Variants in CNTN4 observed in about 807,000 individuals in gnomAD.
CNTN4 encodes contactin 4.
In CNTN4, 77 loss-of-function variants were observed where a neutral mutation model predicts 122.5. That is an observed-to-expected ratio of 0.63 (90% CI 0.52 to 0.76). The LOEUF is 0.76. CNTN4 is among the 30% of genes least tolerant of loss of function. The pLI, the probability that CNTN4 is intolerant of heterozygous loss-of-function variation, is 0.00. For synonymous variants in CNTN4, 512 were observed against 447.0 expected (o/e 1.15, Z -1.83); for missense variants, 1,256 against 1,259.1 (o/e 1.00, Z 0.04).
rs564954523 is a variant in CNTN4, at chr3:2,682,757, G to GTATCA, written c.56-53446_56-53442dup. ...TCCTAATTACTGAAAATTGCACCCT[G>GTATCA]TATCATATCATATCATGAGTCCATT... On this transcript the variant is annotated intron_variant, in intron 4 of 24. Transcript: ENST00000418658. Among the ~76,000 whole-genome samples, 67 of 152,218 alleles carry GTATCA rather than the reference G, an allele frequency of 4.4e-4. 3 individuals carry two copies. The South Asian group carries it at 0.013, about 29-fold the overall frequency.
Position 2,902,985 on chromosome 3 carries a change from A to G in CNTN4, c.1187A>G (p.Asn396Ser). The G allele has an allele frequency of 6.2e-7, 1 of 1,613,878 alleles. No homozygotes were observed. Among genetic ancestry groups the G allele is most frequent in the Non-Finnish European group, 8.5e-7 (1 of 1,179,886 alleles). ...AATAAACATGGAGTTATCTTTTCCA[A>G]CGCAGAGCTTAGTGTTATAGGTGAG... Reference protein sequence around the residue: ...AENKHGVIFSNAELSVIAVGP... With the variant: ...AENKHGVIFSSAELSVIAVGP... The change falls in exon 12 of 25, where the codon AAC becomes AGC. Residue 396 changes from asparagine to serine, a missense_variant. Coordinates refer to ENST00000418658, the MANE Select transcript of CNTN4 (RefSeq NM_175607.3).
intron 13 of CNTN4, among the ~76,000 whole-genome samples, chr3:2,940,855 G>A (rs2094609072): frequency 6.6e-6 from 1 of 152,150 alleles, no homozygotes; most frequent in South Asian, 2.1e-4. Flanking sequence ...GAGCAAAAGG[G>A]AGGCCTGGAC....
chr3:2,580,081 A>T (rs1559263346), intron 4 of CNTN4, among the ~76,000 whole-genome samples: 1 of 152,102 alleles, frequency 6.6e-6, no homozygotes, highest in Non-Finnish European at 1.5e-5. Context: ...ATGTGTATGT[A>T]CATGTAATTG....
chr3:2,542,926 G>C (rs766790555), intron 3 of CNTN4, among the ~76,000 whole-genome samples: 4 of 152,046 alleles, frequency 2.6e-5, no homozygotes, highest in Non-Finnish European at 4.4e-5. Context: ...GCCTTGAAAA[G>C]AAACATTTCC....
chr3:2,235,584 T>TAAGA (rs1300015469), intron 2 of CNTN4, among the ~76,000 whole-genome samples: 2 of 152,184 alleles, frequency 1.3e-5, no homozygotes, highest in African/African-American at 4.8e-5. Context: ...AACTGTTTAG[T>TAAGA]AAGAGGAGCT....
intron 2 of CNTN4, among the ~76,000 whole-genome samples, chr3:2,291,541 G>C (rs944521323): frequency 5.3e-4 from 80 of 152,076 alleles, no homozygotes; most frequent in African/African-American, 1.9e-3. Context: ...ATTATTGAAT[G>C]CATGCTAGCT....
At chr3:2,644,641 A>G (rs1443296704) in intron 4 of CNTN4, among the ~76,000 whole-genome samples, 2 of 151,060 alleles carry the variant, frequency 1.3e-5, no homozygotes, top group Admixed American at 6.6e-5. Flanking sequence ...AAGTGAGTCC[A>G]TGGATTAGAC....
chr3:2,532,830 T>A (rs1475729835), intron 3 of CNTN4, among the ~76,000 whole-genome samples: 3 of 152,180 alleles, frequency 2.0e-5, no homozygotes, highest in East Asian at 3.9e-4. Context: ...GAAGTTTTTT[T>A]ATTTAATATT....
rs142795416 is a variant in CNTN4, at chr3:2,435,795, T to G, written c.-89+96562T>G. Among the ~76,000 whole-genome samples, 703 of 152,324 alleles carry G rather than the reference T, an allele frequency of 4.6e-3. 6 individuals carry two copies. Among genetic ancestry groups the G allele is most frequent in the African/African-American group, 0.016 (659 of 41,590 alleles). ...ACCTAGACATAAATACATGCCTACA[T>G]GCAATCTGTACAAATTCTACAGAAA... On this transcript the variant is annotated intron_variant, in intron 3 of 24. Coordinates refer to ENST00000418658, the MANE Select transcript of CNTN4 (RefSeq NM_175607.3).
chr3:2,773,195 A>G (rs1337408809), intron 6 of CNTN4, among the ~76,000 whole-genome samples: 1 of 152,124 alleles, frequency 6.6e-6, no homozygotes, highest in Admixed American at 6.6e-5. Flanking sequence ...GAAGAAGGAA[A>G]GAGAAAGAGA....
At chr3:2,363,395 G>C (rs750799046) in intron 3 of CNTN4, among the ~76,000 whole-genome samples, 5 of 152,134 alleles carry the variant, frequency 3.3e-5, no homozygotes, top group Non-Finnish European at 5.9e-5. Context: ...TGCCCTAGTA[G>C]GTTAAGACTA....
intron 6 of CNTN4, among the ~76,000 whole-genome samples, chr3:2,784,150 T>A (rs2091716520): frequency 6.6e-6 from 1 of 152,184 alleles, no homozygotes; most frequent in Admixed American, 6.5e-5. Flanking sequence ...TTTTTACTAT[T>A]CTTTCAGGAA....
At chr3:2,918,023 G>A (rs1012783563) in intron 12 of CNTN4, among the ~76,000 whole-genome samples, 1 of 152,176 alleles carries the variant, frequency 6.6e-6, no homozygotes, top group Non-Finnish European at 1.5e-5. Context: ...TGTACTTAGT[G>A]TAAGGCGTGT....
intron 6 of CNTN4, among the ~76,000 whole-genome samples, chr3:2,780,323 TGCCTGTTG>T (rs1368683320): frequency 6.6e-6 from 1 of 152,222 alleles, no homozygotes; most frequent in Non-Finnish European, 1.5e-5. Context: ...AGATCATGTG[TGCCTGTTG>T]GCCTCTGTGG....
chr3:2,362,517 C>T, intron 3 of CNTN4: 1 of 587,928 alleles, frequency 1.7e-6, no homozygotes, highest in South Asian at 1.4e-5. Flanking sequence ...CTCCTGTGCA[C>T]TTTCTGGTCA....
chr3:2,509,255 C>T (rs887778440), intron 3 of CNTN4, among the ~76,000 whole-genome samples: 4 of 152,218 alleles, frequency 2.6e-5, no homozygotes, highest in Middle Eastern at 3.4e-3. Flanking sequence ...ACACGAGCTG[C>T]GTGGAGTAGA....
intron 2 of CNTN4, among the ~76,000 whole-genome samples, chr3:2,199,403 C>G (rs2037994014): frequency 6.6e-6 from 1 of 151,916 alleles, no homozygotes; most frequent in Admixed American, 6.6e-5. Context: ...TCCCTCCGTA[C>G]CTTCTCTCCC....
chr3:2,972,253 A>C (rs1692994557), intron 13 of CNTN4, among the ~76,000 whole-genome samples: 1 of 152,134 alleles, frequency 6.6e-6, no homozygotes, highest in Admixed American at 6.6e-5. Flanking sequence ...TAGCACTGTA[A>C]CATTTATATG....
At chr3:3,039,587 C>G in intron 19 of CNTN4, 1 of 212,914 alleles carries the variant, frequency 4.7e-6, no homozygotes, top group East Asian at 1.1e-4. Flanking sequence ...TGAAAGAAAT[C>G]ACTCATCCCT....
Sources: allele counts gnomAD v4.1 joint callset (sites outside exome capture counted in the v4.1 genomes callset), GRCh38; gene constraint gnomAD v4.1.1; transcripts MANE v1.5; gene names NCBI Gene and HGNC (gene_info 2026-07-23, HGNC 2026-07-21).